COMMD1: variants seen among roughly 807,000 people sequenced by gnomAD.
COMMD1 encodes the protein copper metabolism domain containing 1, also known as COMM domain-containing protein 1.
Under a neutral mutation model 17.2 loss-of-function variants are expected in COMMD1, and 10 were observed. The observed-to-expected ratio is 0.58, with a 90% CI of 0.36 to 0.99. The LOEUF is 0.99. Ranked by LOEUF, COMMD1 falls within the 50% of genes least tolerant of loss-of-function variation. COMMD1 has a pLI of 0.01. For missense variants in COMMD1, 270 were observed against 231.8 expected (o/e 1.17, Z -1.07); for synonymous variants, 97 against 91.6 (o/e 1.06, Z -0.34).
At chr2:62,074,881 TG>T (rs1159246226) in intron 2 of COMMD1, among the ~76,000 whole-genome samples, 4 of 145,284 alleles carry the variant, frequency 2.8e-5, no homozygotes, top group African/African-American at 1.0e-4. Flanking sequence ...TTTGTTTGTG[TG>T]GTTTTTTTTT....
intron 2 of COMMD1, chr2:62,069,424 AAAT>A (rs1671140098): frequency 1.3e-5 from 2 of 152,204 alleles, no homozygotes; most frequent in Non-Finnish European, 2.9e-5. Flanking sequence ...ATCTGATAGG[AAAT>A]AATGTGACAG....
At chr2:62,042,168 G>A (rs1440877027) in intron 2 of COMMD1, among the ~76,000 whole-genome samples, 1 of 152,172 alleles carries the variant, frequency 6.6e-6, no homozygotes, top group Non-Finnish European at 1.5e-5. Flanking sequence ...TAGACACACA[G>A]CGCTGATTGG....
At chr2:61,997,139 G>A (rs755016760) in intron 1 of COMMD1, among the ~76,000 whole-genome samples, 23 of 150,684 alleles carry the variant, frequency 1.5e-4, no homozygotes, top group Non-Finnish European at 3.1e-4. Context: ...GGCTTATGCA[G>A]CCTTGACCCC....
chr2:62,108,806 A>T lies in COMMD1; in HGVS notation c.463-27025A>T, dbSNP rs190556480. ...ATCCTTCCATTTATAGTAGACCTAGATAACTGTAAGCATTGTGCAAATAAA... is the reference window on the plus strand; with the variant it reads ...ATCCTTCCATTTATAGTAGACCTAGTTAACTGTAAGCATTGTGCAAATAAA... On this transcript the variant is annotated intron_variant, in intron 2 of 2. Coordinates refer to ENST00000311832, the MANE Select transcript of COMMD1 (RefSeq NM_152516.4). Among the ~76,000 whole-genome samples, 270 of 152,344 alleles carry T rather than the reference A, an allele frequency of 1.8e-3. 1 individual carries two copies. The highest frequency in any genetic ancestry group is 6.1e-3 in the African/African-American group (255 of 41,564).
intron 1 of COMMD1, among the ~76,000 whole-genome samples, chr2:61,998,149 G>A (rs1468051811): frequency 4.6e-5 from 7 of 151,952 alleles, no homozygotes. Flanking sequence ...CCTTGCCCTC[G>A]ATTAGGTTTT....
chr2:62,036,513 A>T (rs1199529862), intron 2 of COMMD1, among the ~76,000 whole-genome samples: 1 of 152,202 alleles, frequency 6.6e-6, no homozygotes, highest in Admixed American at 6.5e-5. Flanking sequence ...CAACTGCAGG[A>T]TATGGTATTA....
intron 2 of COMMD1, among the ~76,000 whole-genome samples, chr2:62,132,098 A>G (rs780403462): frequency 2.0e-5 from 3 of 151,352 alleles, no homozygotes; most frequent in Non-Finnish European, 2.9e-5. Flanking sequence ...CATGTTGGTC[A>G]GGCTAGTCTC....
intron 1 of COMMD1, among the ~76,000 whole-genome samples, chr2:61,923,620 G>T (rs1670251595): frequency 1.3e-5 from 2 of 152,132 alleles, no homozygotes. Flanking sequence ...CAAGGTCACT[G>T]TGAACCATGT....
intron 1 of COMMD1, among the ~76,000 whole-genome samples, chr2:61,968,178 CA>C (rs1671554163): frequency 6.6e-6 from 1 of 151,518 alleles, no homozygotes; most frequent in Admixed American, 6.6e-5. Context: ...AAAAAGAAAA[CA>C]AAAGCCGCTT....
intron 1 of COMMD1, among the ~76,000 whole-genome samples, chr2:61,913,209 A>G (rs990807746): frequency 2.6e-5 from 4 of 151,828 alleles, no homozygotes; most frequent in Non-Finnish European, 5.9e-5. Flanking sequence ...TCTACTAAAA[A>G]TACAAAAATT....
intron 1 of COMMD1, chr2:61,928,776 C>T (rs1670391361): frequency 6.6e-6 from 1 of 152,156 alleles, no homozygotes; most frequent in African/African-American, 2.4e-5. Flanking sequence ...TTTTCCTGCC[C>T]TAGTCCCCTG....
At chr2:62,126,232 A>T (rs908677534) in intron 2 of COMMD1, among the ~76,000 whole-genome samples, 1 of 152,186 alleles carries the variant, frequency 6.6e-6, no homozygotes, top group African/African-American at 2.4e-5. Context: ...CAGTGAACAT[A>T]TATGTGCATG....
chr2:62,062,985 G>A (rs1452894145), intron 2 of COMMD1, among the ~76,000 whole-genome samples: 2 of 151,916 alleles, frequency 1.3e-5, no homozygotes, highest in Admixed American at 6.6e-5. Context: ...TTGGGAGGCC[G>A]AGGCGGGTGG....
chr2:61,914,907 C>T lies in COMMD1; in HGVS notation c.180+9049C>T, dbSNP rs147218164. 9.9e-3 allele frequency among the ~76,000 whole-genome samples: 1,496 copies of T among 151,750 alleles called. 9 individuals are homozygous for T. The highest frequency in any genetic ancestry group is 0.019 in the South Asian group (93 of 4,808). On this transcript the variant is annotated intron_variant, in intron 1 of 2. Transcript: ENST00000311832. ...GTTTCACCATGTTGGTCAGGCTGGTCTCAAATTCCTGGCCTCAAGTGATCC... is the reference window on the plus strand; with the variant it reads ...GTTTCACCATGTTGGTCAGGCTGGTTTCAAATTCCTGGCCTCAAGTGATCC...
rs1302194313 is a variant in COMMD1 at position 62,012,258 on chromosome 2, A to AACACACAC, written c.462+11280_462+11287dup. Among the ~76,000 whole-genome samples the AACACACAC allele has an allele frequency of 6.0e-4, 61 of 102,316 alleles. 1 individual carries two copies. The highest frequency in any genetic ancestry group is 2.1e-3 in the African/African-American group (52 of 24,896). 67.1% of individuals were successfully genotyped at this position (102,316 alleles called of 152,430 possible). On this transcript the variant is annotated intron_variant, in intron 2 of 2. Coordinates refer to ENST00000311832, the MANE Select transcript of COMMD1 (RefSeq NM_152516.4). ...GGTGACAGAGTGAGACCTTGTCTCA[A>AACACACAC]ACACACACACATACACACACACACA...
intron 2 of COMMD1, among the ~76,000 whole-genome samples, chr2:62,040,568 G>A (rs1316183166): frequency 6.6e-6 from 1 of 152,016 alleles, no homozygotes; most frequent in Non-Finnish European, 1.5e-5. Context: ...AAATATTTCA[G>A]GAAGAAAATT....
At chr2:61,951,436 G>A (rs966961595) in intron 1 of COMMD1, among the ~76,000 whole-genome samples, 6 of 150,874 alleles carry the variant, frequency 4.0e-5, no homozygotes, top group Non-Finnish European at 8.8e-5. Flanking sequence ...CTCCAGCCTC[G>A]GTAACAGAAC....
At chr2:62,027,188 A>G (rs183351621) in intron 2 of COMMD1, among the ~76,000 whole-genome samples, 9 of 152,294 alleles carry the variant, frequency 5.9e-5, no homozygotes, top group Admixed American at 1.3e-4. Flanking sequence ...TGCTTATTAT[A>G]TCTTGCCTAA....
upstream of COMMD1, among the ~76,000 whole-genome samples, chr2:61,901,993 C>T (rs564374781): frequency 2.6e-5 from 4 of 151,838 alleles, no homozygotes; most frequent in Admixed American, 2.0e-4. Context: ...CCATCACGCC[C>T]AGCTAATTTT....
Sources: allele counts gnomAD v4.1 joint callset (sites outside exome capture counted in the v4.1 genomes callset), GRCh38; gene constraint gnomAD v4.1.1; transcripts MANE v1.5; gene names NCBI Gene and HGNC (gene_info 2026-07-23, HGNC 2026-07-21).